U2AF1L4: variants seen among roughly 807,000 people sequenced by gnomAD.
U2AF1L4 encodes the protein U2 small nuclear RNA auxiliary factor 1 like 4.
Under a neutral mutation model 21.7 loss-of-function variants are expected in U2AF1L4, and 21 were observed. That is an observed-to-expected ratio of 0.97 (90% CI 0.69 to 1.39). U2AF1L4 has a LOEUF of 1.39. Ranked by LOEUF, U2AF1L4 falls within the 40% of genes most tolerant of loss-of-function variation. U2AF1L4 has a pLI of 0.00. For missense variants in U2AF1L4, 259 were observed against 245.7 expected (o/e 1.05, Z -0.36); for synonymous variants, 92 against 89.7 (o/e 1.03, Z -0.15).
rs757497584 is a variant in U2AF1L4 at position 35,743,880 on chromosome 19, G to C, written c.390C>G (p.Cys130Trp). 7.4e-6 allele frequency: 12 copies of C among 1,613,506 alleles called. No homozygotes were observed. The highest frequency in any genetic ancestry group is 1.0e-5 in the Non-Finnish European group (12 of 1,179,828). Reference sequence around the variant, plus strand: ...AAATGGGCCGCAGATGCATGAAGTTGCAGAAGCCACCTCGGGTACATTCCC... The same window carrying C: ...AAATGGGCCGCAGATGCATGAAGTTCCAGAAGCCACCTCGGGTACATTCCC... The part of the protein sequence containing the change: ...EMGECTRGGF[C>W]NFMHLRPISQ... The change falls in exon 5 of 6, where the codon TGC becomes TGG. Residue 130 changes from cysteine (C) to tryptophan (W), a missense_variant. Cys to Trp is a radical substitution (Grantham distance 215). Coordinates refer to ENST00000378975, the MANE Select transcript of U2AF1L4 (RefSeq NM_001040425.3).
chr19:35,744,535 C>T, intron 2 of U2AF1L4, 114 bp from the exon 3 acceptor site: 1 of 1,583,108 alleles, frequency 6.3e-7, no homozygotes, highest in Non-Finnish European at 8.6e-7. Context: ...ACGTCACTCA[C>T]ATGACCTGGG....
Position 35,744,305 on chromosome 19 carries a change from G to C in U2AF1L4, c.231+18C>G. 6.2e-7 allele frequency: 1 copy of C among 1,613,816 alleles called. No homozygotes were observed. ...AAACGCCTCCACTTCTGGGCCCTAA[G>C]TGGGGGGCAGCAAGCACCTTGACAT... On this transcript the variant is annotated intron_variant, in intron 3 of 5. Coordinates refer to ENST00000378975, the MANE Select transcript of U2AF1L4 (RefSeq NM_001040425.3).
In U2AF1L4 at chr19:35,744,304, AGT is replaced by A; in HGVS notation, c.231+17_231+18del. On this transcript the variant is annotated intron_variant, in intron 3 of 5. Coordinates refer to ENST00000378975, the MANE Select transcript of U2AF1L4 (RefSeq NM_001040425.3). ...GAAACGCCTCCACTTCTGGGCCCTA[AGT>A]GGGGGGCAGCAAGCACCTTGACATA... The A allele has an allele frequency of 6.2e-7, 1 of 1,613,770 alleles. No homozygotes were observed. The highest frequency in any genetic ancestry group is 8.5e-7 in the Non-Finnish European group (1 of 1,179,798).
intron 5 of U2AF1L4, chr19:35,743,197 A>AC (rs1227686871): frequency 3.3e-6 from 1 of 299,246 alleles, no homozygotes; most frequent in Non-Finnish European, 6.4e-6. Flanking sequence ...ACGTGGTGAA[A>AC]CCCCATCTCT....
At position 35,745,194 on chromosome 19, in the gene U2AF1L4, G is replaced by C. The variant is rs749722880; in HGVS notation, c.63C>G (p.Tyr21Ter). The part of the protein sequence containing the change: ...TEKDKVNCSF[Y>*]FKIGVCRHGD... ...CGTGCCGGCAGACCCCGATCTTAAA[G>C]TAAAAAGAGCAGTTAACCCTGGAAA... Residue 21 changes from tyrosine (Y) to a stop codon, truncating the protein, a stop_gained, in exon 2 of 6, where the codon TAC becomes TAG. Coordinates refer to ENST00000378975, the MANE Select transcript of U2AF1L4 (RefSeq NM_001040425.3). LOFTEE classifies it high-confidence loss of function. 1.9e-6 allele frequency: 3 copies of C among 1,613,752 alleles called. No homozygotes were observed. The highest frequency in any genetic ancestry group is 2.5e-6 in the Non-Finnish European group (3 of 1,180,008).
intron 2 of U2AF1L4, 178 bp downstream of exon 2, chr19:35,744,947 C>T (rs767947221): frequency 4.8e-5 from 36 of 745,974 alleles, no homozygotes; most frequent in Non-Finnish European, 7.5e-5. Flanking sequence ...CGACCAAGTT[C>T]CCGGGAAAAC....
At chr19:35,744,609 C>T (rs995930595) in intron 2 of U2AF1L4, 188 bp from the exon 3 acceptor site, 12 of 1,537,566 alleles carry the variant, frequency 7.8e-6, no homozygotes, top group African/African-American at 1.4e-5. Flanking sequence ...TGCCCCCAGG[C>T]CTGGTCCCTT....
chr19:35,745,222 G>A lies in U2AF1L4; in HGVS notation c.45-10C>T. On this transcript the variant is annotated splice_polypyrimidine_tract_variant and intron_variant, in intron 1 of 5. Transcript: ENST00000378975. ...AAAAGAGCAGTTAACCCTGGAAAAG[G>A]TGCAAAGACAAAGGTGAACCGAGGG... 3 of 1,613,060 alleles carry A rather than the reference G, an allele frequency of 1.9e-6. No individual in the cohort carries two copies. The highest frequency in any genetic ancestry group is 2.5e-6 in the Non-Finnish European group (3 of 1,179,628).
chr19:35,743,914 G>A lies in U2AF1L4; in HGVS notation c.366-10C>T. On this transcript the variant is annotated splice_polypyrimidine_tract_variant and intron_variant, in intron 4 of 5. Transcript: ENST00000378975. Reference sequence around the variant, plus strand: ...ACCTCGGGTACATTCCCTGCATAGAGGGTAGAGAGATGGAGGAAGCCATTG... The same window carrying A: ...ACCTCGGGTACATTCCCTGCATAGAAGGTAGAGAGATGGAGGAAGCCATTG... The A allele has an allele frequency of 6.2e-7, 1 of 1,612,164 alleles. No individual in the cohort carries two copies. The highest frequency in any genetic ancestry group is 2.2e-5 in the East Asian group (1 of 44,830).
Position 35,743,998 on chromosome 19 carries a change from T to G in U2AF1L4, c.365+14A>C. On this transcript the variant is annotated intron_variant, in intron 4 of 5. Transcript: ENST00000378975. ...GGGATTCCAAGTGCCCATCCCACCCTTGAACTACCATACCCCATCTCATAC... is the reference window on the plus strand; with the variant it reads ...GGGATTCCAAGTGCCCATCCCACCCGTGAACTACCATACCCCATCTCATAC... 2 of 1,612,140 alleles carry G rather than the reference T, an allele frequency of 1.2e-6. No homozygotes were observed. The highest frequency in any genetic ancestry group is 1.7e-6 in the Non-Finnish European group (2 of 1,178,516).
Position 35,743,840 on chromosome 19 carries a change from T to G in U2AF1L4, c.430A>C (p.Arg144=). The G allele has an allele frequency of 6.2e-7, 1 of 1,613,154 alleles. No homozygotes were observed. Among genetic ancestry groups the G allele is most frequent in the South Asian group, 1.1e-5 (1 of 90,890 alleles). The change falls in exon 5 of 6, where the codon AGG becomes CGG. Residue 144 remains arginine, a synonymous_variant. Transcript: ENST00000378975. ...HLRPISQNLQ[R]QLYGRGPRRR... ...CTGGGTCCCCGCCCATAGAGCTGCC[T>G]CTGGAGGTTCTGGGAAATGGGCCGC...
At chr19:35,745,071 G>A in intron 2 of U2AF1L4, 54 bp downstream of exon 2, 1 of 1,548,564 alleles carries the variant, frequency 6.5e-7, no homozygotes, top group Non-Finnish European at 8.8e-7. Context: ...GACGGCCCCA[G>A]AAGGGGAAGG....
At chr19:35,743,397 A>AC (rs1355270808) in intron 5 of U2AF1L4, 7 of 230,948 alleles carry the variant, frequency 3.0e-5, no homozygotes, top group Admixed American at 5.5e-5. Flanking sequence ...AAAAAAAAAA[A>AC]AAAAAACAGT....
intron 2 of U2AF1L4, 187 bp from the exon 3 acceptor site, chr19:35,744,608 G>A (rs1568398206): frequency 6.5e-7 from 1 of 1,537,544 alleles, no homozygotes; most frequent in Admixed American, 2.0e-5. Context: ...TTGCCCCCAG[G>A]CCTGGTCCCT....
At chr19:35,742,842 A>AT in intron 5 of U2AF1L4, 39 bp from the exon 6 acceptor site, 1 of 1,579,972 alleles carries the variant, frequency 6.3e-7, no homozygotes, top group Middle Eastern at 1.8e-4. Flanking sequence ...TAGAACCCTG[A>AT]GGAGTGGTGC....
At position 35,745,098 on chromosome 19, in the gene U2AF1L4, C is replaced by T. The variant is rs762712898; in HGVS notation, c.132+27G>A. 6.2e-6 allele frequency: 10 copies of T among 1,606,236 alleles called. No individual in the cohort carries two copies. The East Asian group carries it at 1.8e-4, about 29-fold the overall frequency. On this transcript the variant is annotated intron_variant, in intron 2 of 5. Transcript: ENST00000378975. ...AGGGGAAGGGCCAGGGAGCCGTTAA[C>T]CCCCGAGGCTCCGTGCCGGGTCTCA...
At position 35,744,304 on chromosome 19, in the gene U2AF1L4, A is replaced by C; in HGVS notation, c.231+19T>G. On this transcript the variant is annotated intron_variant, in intron 3 of 5. Coordinates refer to ENST00000378975, the MANE Select transcript of U2AF1L4 (RefSeq NM_001040425.3). ...GAAACGCCTCCACTTCTGGGCCCTA[A>C]GTGGGGGGCAGCAAGCACCTTGACA... The C allele has an allele frequency of 6.2e-7, 1 of 1,613,770 alleles. No individual in the cohort carries two copies. Among genetic ancestry groups the C allele is most frequent in the Non-Finnish European group, 8.5e-7 (1 of 1,179,798 alleles).
Position 35,744,058 on chromosome 19 carries a change from G to C in U2AF1L4, c.319C>G (p.Pro107Ala). 3.1e-6 allele frequency: 5 copies of C among 1,614,044 alleles called. No homozygotes were observed. Among genetic ancestry groups the C allele is most frequent in the Middle Eastern group, 1.6e-4 (1 of 6,062 alleles). Reference protein sequence around the residue: ...NGQAVHGELSPVTDFRESCCR... With the variant: ...NGQAVHGELSAVTDFRESCCR... The stretch of plus-strand genomic sequence containing the variant: ...CATGACTCCCGGAAGTCAGTGACAG[G>C]AGACAGCTCACCGTGCACAGCCTGC... Residue 107 changes from proline to alanine, a missense_variant, in exon 4 of 6, where the codon CCT becomes GCT. By Grantham distance (27) the Pro-to-Ala change is conservative (BLOSUM62 -1). Transcript: ENST00000378975.
At chr19:35,743,113 C>CT (rs1970346763) in intron 5 of U2AF1L4, 3 of 414,760 alleles carry the variant, frequency 7.2e-6, no homozygotes, top group Middle Eastern at 6.6e-4. Context: ...TGGTTCACGC[C>CT]TGTAATCCCC....
Sources: allele counts gnomAD v4.1 joint callset, GRCh38; gene constraint gnomAD v4.1.1; transcripts MANE v1.5; gene names NCBI Gene and HGNC (gene_info 2026-07-23, HGNC 2026-07-21).